The following RIF1 variants were observed in gnomAD, a reference collection of about 807,000 sequenced individuals.
RIF1 encodes replication timing regulatory factor 1.
RIF1 carries 45 observed loss-of-function variants against 247.1 expected under a neutral mutation model. That is an observed-to-expected ratio of 0.18 (90% CI 0.14 to 0.23). RIF1 has a LOEUF of 0.23. RIF1 is among the 10% of genes least tolerant of loss of function. The probability of loss-of-function intolerance (pLI) is 1.00; values close to 1 mark genes in which losing one functional copy is unlikely to be tolerated. For missense variants in RIF1, 2,967 were observed against 2,862.5 expected (o/e 1.04, Z -0.83); for synonymous variants, 1,087 against 978.8 (o/e 1.11, Z -2.06).
At chr2:151,533,799 G>A in the RIF1 span, among the ~76,000 whole-genome samples, 3 of 152,212 alleles carry the variant, frequency 2.0e-5, no homozygotes, top group African/African-American at 7.2e-5. Context: ...CACCAAAATA[G>A]CTTTATAGAA....
intron 13 of RIF1, among the ~76,000 whole-genome samples, chr2:151,438,359 TCCTA>T (rs1691635910): frequency 6.6e-6 from 1 of 152,080 alleles, no homozygotes; most frequent in Non-Finnish European, 1.5e-5. Flanking sequence ...GTACCTATAG[TCCTA>T]GCTACTTGGG....
chr2:151,495,370 C>G (rs2059512490), intron 10 of RIF1: 2 of 152,216 alleles, frequency 1.3e-5, no homozygotes, highest in African/African-American at 2.4e-5. Flanking sequence ...CTCTGGCCCC[C>G]TCTATAACAG....
At chr2:151,450,625 G>A (rs773987398) in intron 20 of RIF1, among the ~76,000 whole-genome samples, 4 of 151,478 alleles carry the variant, frequency 2.6e-5, no homozygotes, top group African/African-American at 7.3e-5. Flanking sequence ...TCGCTCTGTC[G>A]CAGGCTGGCG....
At chr2:151,467,658 A>G (rs1697158598) in intron 30 of RIF1, among the ~76,000 whole-genome samples, 1 of 152,150 alleles carries the variant, frequency 6.6e-6, no homozygotes, top group African/African-American at 2.4e-5. Flanking sequence ...CTGTTTTTAC[A>G]TCAGTCTTCT....
chr2:151,505,630 C>A, intron 12 of RIF1: 1 of 1,350,626 alleles, frequency 7.4e-7, no homozygotes, highest in South Asian at 1.2e-5. Flanking sequence ...TTATTCTTCC[C>A]AACATGTACA....
In RIF1 at chr2:151,437,014, G is replaced by A. The variant is rs199889280; in HGVS notation, c.1372+11G>A. ...TTGTGCTGAGCTTAGGTATTTAAAG[G>A]TTTTAAGAATAATTTTAATTACTAA... is the stretch of plus-strand genomic sequence containing the variant. On this transcript the variant is annotated intron_variant, in intron 12 of 35. Coordinates refer to ENST00000444746, the MANE Select transcript of RIF1 (RefSeq NM_018151.5). 1.3e-5 allele frequency: 21 copies of A among 1,598,826 alleles called. No individual in the cohort carries two copies. Among genetic ancestry groups the A allele is most frequent in the Non-Finnish European group, 5.1e-6 (6 of 1,173,430 alleles).
chr2:151,417,225 TG>T (rs1160696293), intron 6 of RIF1, among the ~76,000 whole-genome samples: 2 of 152,206 alleles, frequency 1.3e-5, no homozygotes, highest in African/African-American at 4.8e-5. Context: ...TAAGTGGGCT[TG>T]GGTTGTTTAG....
intron 34 of RIF1, among the ~76,000 whole-genome samples, chr2:151,471,274 T>C (rs1217301132): frequency 1.3e-5 from 2 of 152,220 alleles, no homozygotes; most frequent in African/African-American, 2.4e-5. Flanking sequence ...TATTAGCCTT[T>C]TGTCAGATGA....
chr2:151,529,250 T>A, the RIF1 span: 1 of 1,613,700 alleles, frequency 6.2e-7, no homozygotes. Flanking sequence ...TGCTTTGATA[T>A]GAACAGCATC....
chr2:151,433,882 T>G (rs1690648274), intron 10 of RIF1, among the ~76,000 whole-genome samples: 1 of 151,898 alleles, frequency 6.6e-6, no homozygotes, highest in South Asian at 2.1e-4. Flanking sequence ...ATCAGTGAAA[T>G]AGAAATCAGC....
At position 151,454,885 on chromosome 2, in the gene RIF1, T is replaced by C; in HGVS notation, c.2345-10T>C. ...TTTGAGTTTTTAATTAATTCAGTTT[T>C]TGTTTTTAGCACCACAGAGACCTTC... On this transcript the variant is annotated splice_polypyrimidine_tract_variant and intron_variant, in intron 21 of 35. Coordinates refer to ENST00000444746, the MANE Select transcript of RIF1 (RefSeq NM_018151.5). 1 of 1,549,062 alleles carries C rather than the reference T, an allele frequency of 6.5e-7. No individual in the cohort carries two copies. Among genetic ancestry groups the C allele is most frequent in the Non-Finnish European group, 8.7e-7 (1 of 1,151,190 alleles).
the RIF1 span, chr2:151,524,285 G>A: frequency 6.3e-7 from 1 of 1,580,628 alleles, no homozygotes; most frequent in East Asian, 2.2e-5. Flanking sequence ...TCACATGAGA[G>A]CCACCAGTGC....
the RIF1 span, among the ~76,000 whole-genome samples, chr2:151,513,882 A>G: frequency 6.6e-6 from 1 of 152,156 alleles, no homozygotes; most frequent in African/African-American, 2.4e-5. Context: ...TCTGGAGGAA[A>G]CTATTCTATG....
the RIF1 span, chr2:151,525,822 T>C: frequency 1.3e-6 from 1 of 766,020 alleles, no homozygotes; most frequent in Admixed American, 1.9e-5. Context: ...AAAGTCAGAG[T>C]TTAAGATTCA....
exon 12 of RIF1, chr2:151,503,126 C>CTACT (rs2065987766): frequency 1.7e-6 from 1 of 585,282 alleles, no homozygotes. Context: ...CTTGTTAATT[C>CTACT]TACTTATAGT....
rs113274748 is a variant in RIF1, at chr2:151,464,937, C to T, written c.5417C>T (p.Thr1806Ile). The change falls in exon 30 of 36, where the codon ACT becomes ATT. Residue 1806 changes from threonine to isoleucine, a missense_variant. By Grantham distance (89) the Thr-to-Ile change is moderately conservative. Around this residue, in one of 7 missense-constraint regions of RIF1, gnomAD observed 2,028 missense variants for 1,825.6 expected, o/e 1.11. Transcript: ENST00000444746. ...TTGGGTCTCAAAGAGGATAATGATA[C>T]TATTAATGATTCATTAATTGTTTCT... The part of the protein sequence containing the change: ...FHLGLKEDND[T>I]INDSLIVSET... The T allele has an allele frequency of 5.1e-6, 8 of 1,572,724 alleles. No individual in the cohort carries two copies. Among genetic ancestry groups the T allele is most frequent in the South Asian group, 4.8e-5 (4 of 82,758 alleles).
chr2:151,428,619 A>T (rs1028868222), intron 8 of RIF1, among the ~76,000 whole-genome samples, 165 bp from the exon 9 acceptor site: 3 of 152,210 alleles, frequency 2.0e-5, no homozygotes, highest in Admixed American at 2.0e-4. Context: ...AACATATCTA[A>T]CATTTAACAC....
At chr2:151,467,129 T>C (rs188934482) in intron 30 of RIF1, among the ~76,000 whole-genome samples, 312 of 152,054 alleles carry the variant, frequency 2.1e-3, no homozygotes, top group Middle Eastern at 3.4e-3. Context: ...CTCAGGAGGC[T>C]GAGGCAGGAG....
chr2:151,455,012 A>G lies in RIF1; in HGVS notation c.2462A>G (p.Glu821Gly). Residue 821 changes from glutamate to glycine, a missense_variant, in exon 22 of 36, where the codon GAA becomes GGA. Physicochemically the swap from Glu to Gly is moderately conservative, Grantham distance 98. This residue lies in a region of RIF1 where 2,028 missense variants were observed against 1,825.6 expected (regional missense o/e 1.11). Transcript: ENST00000444746. ...TCTTTCCACACACTGAGCTTCAAGG[A>G]AGCACATTCTGATACCCTCTTCACT... Reference protein sequence around the residue: ...IYSFHTLSFKEAHSDTLFTIG... With the variant: ...IYSFHTLSFKGAHSDTLFTIG... The G allele has an allele frequency of 6.2e-7, 1 of 1,613,978 alleles. No individual in the cohort carries two copies. Among genetic ancestry groups the G allele is most frequent in the Non-Finnish European group, 8.5e-7 (1 of 1,179,882 alleles).
Sources: allele counts gnomAD v4.1 joint callset (sites outside exome capture counted in the v4.1 genomes callset), GRCh38; gene constraint gnomAD v4.1.1; regional missense constraint gnomAD v4.1.1; transcripts MANE v1.5; gene names NCBI Gene and HGNC (gene_info 2026-07-23, HGNC 2026-07-21).